The following ESRRG variants were observed in gnomAD, a reference collection of about 807,000 sequenced individuals.
ESRRG encodes the protein estrogen related receptor gamma, also known as estrogen-related receptor gamma.
Under a neutral mutation model 44.0 loss-of-function variants are expected in ESRRG, and 13 were observed. The observed-to-expected ratio is 0.30, with a 90% CI of 0.19 to 0.47. The LOEUF is 0.47. ESRRG is among the 20% of genes least tolerant of loss of function. ESRRG has a pLI of 1.00. For missense variants in ESRRG, 395 were observed against 580.6 expected (o/e 0.68, Z 3.29); for synonymous variants, 215 against 214.6 (o/e 1.00, Z -0.02).
chr1:216,867,255 T>C (rs2096181713), intron 2 of ESRRG, among the ~76,000 whole-genome samples: 1 of 152,144 alleles, frequency 6.6e-6, no homozygotes. Context: ...GAGAGGGAGA[T>C]ATAATTTAAT....
intron 5 of ESRRG, among the ~76,000 whole-genome samples, chr1:216,548,568 C>A (rs577102782): frequency 2.6e-5 from 4 of 152,178 alleles, no homozygotes; most frequent in African/African-American, 9.6e-5. Context: ...CACCTTGACA[C>A]CTTCCCATAC....
In ESRRG at chr1:216,677,453, T is replaced by A; in HGVS notation, c.95A>T (p.Asp32Val). ...CRMSNKDRHI[D>V]SSCSSFIKTE... ...CTTGATGAAGGACGAACAGCTGGAA[T>A]CAATGTGTCGATCTTTGTTTGACAT... Residue 32 changes from aspartate to valine, a missense_variant, in exon 2 of 7, where the codon GAT (aspartate) becomes GTT (valine). This residue lies in a region of ESRRG where 148 missense variants were observed against 150.4 expected (regional missense o/e 0.98). Transcript: ENST00000408911. 1 of 1,613,388 alleles carries A rather than the reference T, an allele frequency of 6.2e-7. No homozygotes were observed. Among genetic ancestry groups the A allele is most frequent in the Non-Finnish European group, 8.5e-7 (1 of 1,179,544 alleles).
At chr1:216,818,717 G>A (rs2095218305) in intron 2 of ESRRG, among the ~76,000 whole-genome samples, 1 of 151,940 alleles carries the variant, frequency 6.6e-6, no homozygotes, top group African/African-American at 2.4e-5. Flanking sequence ...CATCACCCAG[G>A]TATTAAGCCC....
intron 1 of ESRRG, among the ~76,000 whole-genome samples, chr1:217,133,625 CTTTCTT>C (rs780882682): frequency 0.38 from 27,304 of 72,356 alleles, 2,758 homozygotes; most frequent in South Asian, 0.47. Flanking sequence ...TTCTTTCTTT[CTTTCTT>C]TCTCTCTCTC....
chr1:216,746,433 A>T (rs1278714050), intron 2 of ESRRG, among the ~76,000 whole-genome samples: 1 of 152,188 alleles, frequency 6.6e-6, no homozygotes, highest in Non-Finnish European at 1.5e-5. Flanking sequence ...TTTAATATAT[A>T]TAGTGTTTTA....
intron 5 of ESRRG, among the ~76,000 whole-genome samples, chr1:216,531,684 A>G (rs2049411450): frequency 6.6e-6 from 1 of 152,172 alleles, no homozygotes; most frequent in African/African-American, 2.4e-5. Flanking sequence ...CTATGGATAT[A>G]TGATACACAA....
chr1:216,876,392 T>C (rs745965356), intron 2 of ESRRG, among the ~76,000 whole-genome samples: 4 of 152,140 alleles, frequency 2.6e-5, no homozygotes, highest in Admixed American at 2.0e-4. Flanking sequence ...GGGAATGTTT[T>C]TGAAAGTCTC....
intron 1 of ESRRG, among the ~76,000 whole-genome samples, chr1:217,001,818 C>T (rs1490832512): frequency 6.6e-6 from 1 of 152,148 alleles, no homozygotes; most frequent in African/African-American, 2.4e-5. Context: ...ACCATACCAG[C>T]ATTTTGAACA....
At chr1:216,781,078 A>G (rs534256814) in intron 2 of ESRRG, among the ~76,000 whole-genome samples, 1 of 152,182 alleles carries the variant, frequency 6.6e-6, no homozygotes, top group South Asian at 2.1e-4. Context: ...AAGCAATGTC[A>G]ATCTCTTATC....
chr1:216,810,840 G>A lies in ESRRG; in HGVS notation c.-14+128742C>T, dbSNP rs187980852. Among the ~76,000 whole-genome samples the A allele has an allele frequency of 1.9e-3, 291 of 149,522 alleles. 4 individuals carry two copies. The highest frequency in any genetic ancestry group is 2.5e-3 in the Non-Finnish European group (166 of 67,560). On this transcript the variant is annotated intron_variant, in intron 2 of 7. Transcript: ENST00000359162. ...ATACATATATATAACTCTATGATAT[G>A]TGTGTATATATGTACATATATATAA...
chr1:216,630,836 C>T (rs755351738), intron 3 of ESRRG, among the ~76,000 whole-genome samples: 13 of 152,054 alleles, frequency 8.5e-5, no homozygotes, highest in Non-Finnish European at 1.8e-4. Flanking sequence ...AAGGGTCTGT[C>T]AAAAAGCACC....
chr1:216,522,096 T>C lies in ESRRG; in HGVS notation c.863-2675A>G, dbSNP rs561300688. 2.6e-5 allele frequency among the ~76,000 whole-genome samples: 4 copies of C among 152,222 alleles called. No homozygotes were observed. In the East Asian group the frequency reaches 7.7e-4, roughly 29 times the overall value. Reference sequence around the variant, plus strand: ...GAACAAAAAACAATAAAATTTCATTTTTAAAGTTGATCCTGCAATTTGTTT... The same window carrying C: ...GAACAAAAAACAATAAAATTTCATTCTTAAAGTTGATCCTGCAATTTGTTT... On this transcript the variant is annotated intron_variant, in intron 5 of 6. Coordinates refer to ENST00000408911, the MANE Select transcript of ESRRG (RefSeq NM_001438.4).
intron 5 of ESRRG, among the ~76,000 whole-genome samples, chr1:216,548,841 T>C (rs1000347821): frequency 2.0e-5 from 3 of 152,090 alleles, no homozygotes; most frequent in African/African-American, 7.2e-5. Context: ...GTAATTACCG[T>C]AAAGGTACCC....
At chr1:217,077,794 T>C (rs2091441190) in intron 1 of ESRRG, among the ~76,000 whole-genome samples, 2 of 152,190 alleles carry the variant, frequency 1.3e-5, no homozygotes, top group Middle Eastern at 3.2e-3. Context: ...TTTAAAAACA[T>C]TCCCCAAAGC....
intron 1 of ESRRG, among the ~76,000 whole-genome samples, chr1:217,060,247 A>T (rs1455599836): frequency 6.6e-6 from 1 of 152,156 alleles, no homozygotes; most frequent in South Asian, 2.1e-4. Flanking sequence ...TTAAAAGACT[A>T]TGAGTTTCTC....
chr1:216,750,575 A>G (rs1054636424), intron 2 of ESRRG, among the ~76,000 whole-genome samples: 3 of 152,102 alleles, frequency 2.0e-5, no homozygotes, highest in Non-Finnish European at 4.4e-5. Context: ...GCTACTTGCT[A>G]GGATCTTGGC....
intron 1 of ESRRG, among the ~76,000 whole-genome samples, chr1:216,682,297 C>A (rs975407963): frequency 6.6e-6 from 1 of 152,062 alleles, no homozygotes; most frequent in African/African-American, 2.4e-5. Context: ...ATATCTATAC[C>A]AATAGTAAAC....
At chr1:216,795,743 T>C (rs748976757) in intron 2 of ESRRG, among the ~76,000 whole-genome samples, 8 of 152,118 alleles carry the variant, frequency 5.3e-5, no homozygotes, top group Non-Finnish European at 1.2e-4. Context: ...AAGGTAAAGA[T>C]TGTGATGTCT....
chr1:216,554,777 T>C (rs529958539), intron 5 of ESRRG, among the ~76,000 whole-genome samples: 1 of 152,286 alleles, frequency 6.6e-6, no homozygotes, highest in Non-Finnish European at 1.5e-5. Flanking sequence ...GGGAGAATAG[T>C]GCTTCGACTA....
Sources: allele counts gnomAD v4.1 joint callset (sites outside exome capture counted in the v4.1 genomes callset), GRCh38; gene constraint gnomAD v4.1.1; regional missense constraint gnomAD v4.1.1; transcripts MANE v1.5; gene names NCBI Gene and HGNC (gene_info 2026-07-23, HGNC 2026-07-21).